The following SLC24A2 variants were observed in gnomAD, a reference collection of about 807,000 sequenced individuals.
The protein encoded by SLC24A2 is sodium/potassium/calcium exchanger 2.
Under a neutral mutation model 62.0 loss-of-function variants are expected in SLC24A2, and 36 were observed. The ratio of observed to expected loss-of-function variants is 0.58; its 90% CI spans 0.44 to 0.77. The LOEUF (loss-of-function observed/expected upper bound fraction) is 0.77. SLC24A2 is among the 30% of genes least tolerant of loss of function. The pLI, the probability that SLC24A2 is intolerant of heterozygous loss-of-function variation, is 0.00. For synonymous variants in SLC24A2, 358 were observed against 294.0 expected, an observed-to-expected ratio of 1.22 and a Z score of -2.23; for missense variants, 846 against 817.9, an observed-to-expected ratio of 1.03 and a Z score of -0.42.
the SLC24A2 span, among the ~76,000 whole-genome samples, chr9:20,146,727 T>G: frequency 6.6e-6 from 1 of 151,992 alleles, no homozygotes; most frequent in Non-Finnish European, 1.5e-5. Flanking sequence ...TCACCTCCAT[T>G]CTGTATTTTC....
the SLC24A2 span, among the ~76,000 whole-genome samples, chr9:19,939,231 T>C: frequency 6.6e-6 from 1 of 152,206 alleles, no homozygotes; most frequent in African/African-American, 2.4e-5. Flanking sequence ...AGCAGTTAGG[T>C]TTTGAGAAAT....
chr9:19,910,165 A>C, the SLC24A2 span, among the ~76,000 whole-genome samples: 1 of 152,062 alleles, frequency 6.6e-6, no homozygotes. Flanking sequence ...AGAGTAATCC[A>C]TGCTGCCTGA....
chr9:20,120,718 A>C, the SLC24A2 span, among the ~76,000 whole-genome samples: 111 of 152,152 alleles, frequency 7.3e-4, no homozygotes, highest in Non-Finnish European at 1.4e-3. Context: ...GGGAAAAAAA[A>C]ATAAGGAAAA....
the SLC24A2 span, among the ~76,000 whole-genome samples, chr9:19,997,693 G>C: frequency 1.3e-5 from 2 of 152,338 alleles, no homozygotes; most frequent in Middle Eastern, 3.4e-3. Context: ...AGCTAGGAGT[G>C]AGCAAGACAA....
At chr9:20,261,421 T>C in the SLC24A2 span, among the ~76,000 whole-genome samples, 2 of 152,130 alleles carry the variant, frequency 1.3e-5, no homozygotes, top group African/African-American at 2.4e-5. Flanking sequence ...CCAGCAAGCA[T>C]GTGTAAAAAG....
rs202120099 is a variant in SLC24A2, at chr9:19,520,896, T to C, written c.1734A>G (p.Val578=). 4.3e-6 allele frequency: 7 copies of C among 1,613,764 alleles called. No homozygotes were observed. In the Admixed American group the frequency reaches 5.0e-5, roughly 12 times the overall value. ...SVGSNIFDIT[V]GLPLPWLLYT... Reference sequence around the variant, plus strand: ...TTTGTAGAACTACCTCTACTCACCCTACAGTGATGTCAAAAATGTTGCTTC... The same window carrying C: ...TTTGTAGAACTACCTCTACTCACCCCACAGTGATGTCAAAAATGTTGCTTC... Residue 578 remains valine, a splice_region_variant and synonymous_variant, in exon 10 of 11, where the codon GTA becomes GTG. Transcript: ENST00000341998.
At chr9:20,093,295 C>T in the SLC24A2 span, among the ~76,000 whole-genome samples, 3 of 152,118 alleles carry the variant, frequency 2.0e-5, no homozygotes, top group Admixed American at 1.3e-4. Flanking sequence ...TGGTCTCGAA[C>T]TCCTGACCTC....
the SLC24A2 span, among the ~76,000 whole-genome samples, chr9:19,835,732 G>T: frequency 1.3e-5 from 2 of 152,146 alleles, no homozygotes; most frequent in Non-Finnish European, 2.9e-5. Context: ...AGACCTAATA[G>T]ACATCTACAG....
intron 9 of SLC24A2, among the ~76,000 whole-genome samples, chr9:19,527,532 C>G (rs1833495301): frequency 6.6e-6 from 1 of 152,134 alleles, no homozygotes; most frequent in African/African-American, 2.4e-5. Context: ...TCATGTTTTT[C>G]AATAATGATT....
chr9:19,773,241 G>A (rs1450140913), intron 2 of SLC24A2, among the ~76,000 whole-genome samples: 1 of 152,120 alleles, frequency 6.6e-6, no homozygotes, highest in Non-Finnish European at 1.5e-5. Context: ...TAGTGATGAT[G>A]GTTGTGTGAC....
the SLC24A2 span, among the ~76,000 whole-genome samples, chr9:20,161,727 T>C: frequency 1.3e-5 from 2 of 150,056 alleles, no homozygotes; most frequent in African/African-American, 2.5e-5. Flanking sequence ...GGATATTTAA[T>C]TTGATTTATT....
intron 5 of SLC24A2, among the ~76,000 whole-genome samples, chr9:19,581,628 ATTC>A (rs1006657107): frequency 9.2e-5 from 14 of 152,326 alleles, no homozygotes; most frequent in African/African-American, 3.1e-4. Flanking sequence ...ATGACAGGAA[ATTC>A]TTCTCCTAAA....
intron 2 of SLC24A2, among the ~76,000 whole-genome samples, chr9:19,762,708 G>C (rs1170069728): frequency 6.6e-6 from 1 of 151,378 alleles, no homozygotes; most frequent in Non-Finnish European, 1.5e-5. Flanking sequence ...TTTGGTTACT[G>C]TGGCCTTGTA....
At chr9:20,235,165 C>T in the SLC24A2 span, among the ~76,000 whole-genome samples, 4 of 152,326 alleles carry the variant, frequency 2.6e-5, no homozygotes, top group Admixed American at 6.5e-5. Context: ...TTAGGCTACT[C>T]GGGGGTCAGG....
At chr9:19,983,416 G>A in the SLC24A2 span, among the ~76,000 whole-genome samples, 1 of 152,110 alleles carries the variant, frequency 6.6e-6, no homozygotes, top group South Asian at 2.1e-4. Flanking sequence ...AGGCCAAGGT[G>A]GGCGGATCAT....
the SLC24A2 span, among the ~76,000 whole-genome samples, chr9:19,881,986 G>C: frequency 6.6e-6 from 1 of 152,048 alleles, no homozygotes; most frequent in Non-Finnish European, 1.5e-5. Flanking sequence ...TTCAACCTAT[G>C]CCTATTCCAT....
chr9:19,686,955 A>T (rs2118435248), intron 2 of SLC24A2, among the ~76,000 whole-genome samples: 1 of 152,302 alleles, frequency 6.6e-6, no homozygotes, highest in South Asian at 2.1e-4. Flanking sequence ...TGCAGCCATA[A>T]AAAAGAATGA....
the SLC24A2 span, among the ~76,000 whole-genome samples, chr9:20,276,525 C>T: frequency 6.6e-6 from 1 of 152,204 alleles, no homozygotes; most frequent in African/African-American, 2.4e-5. Flanking sequence ...TTTCCAGGTA[C>T]ATGGTGAAAG....
the SLC24A2 span, among the ~76,000 whole-genome samples, chr9:20,251,849 T>C: frequency 6.6e-6 from 1 of 152,210 alleles, no homozygotes; most frequent in Non-Finnish European, 1.5e-5. Flanking sequence ...CCTCATGGAC[T>C]CAAGATGCTG....
Sources: allele counts gnomAD v4.1 joint callset (sites outside exome capture counted in the v4.1 genomes callset), GRCh38; gene constraint gnomAD v4.1.1; transcripts MANE v1.5; gene names NCBI Gene and HGNC (gene_info 2026-07-23, HGNC 2026-07-21).